The following STARD13 variants were observed in gnomAD, a reference collection of about 807,000 sequenced individuals.
STARD13 encodes StAR related lipid transfer domain containing 13, also known as stAR-related lipid transfer protein 13.
A neutral mutation model predicts 106.4 loss-of-function variants in STARD13; 62 were observed. That is an observed-to-expected ratio of 0.58 (90% CI 0.48 to 0.72). The LOEUF (loss-of-function observed/expected upper bound fraction) is 0.72. Among genes scored for constraint, STARD13 ranks in the 30% least tolerant of loss-of-function variants. The pLI is 0.00. For synonymous variants in STARD13, 565 were observed against 553.0 expected, an observed-to-expected ratio of 1.02 and a Z score of -0.31; for missense variants, 1,387 against 1,424.0, an observed-to-expected ratio of 0.97 and a Z score of 0.42.
At chr13:33,286,685 A>C (rs1892074306), upstream of STARD13, among the ~76,000 whole-genome samples, 1 of 152,108 alleles carries the variant, frequency 6.6e-6, no homozygotes, top group Non-Finnish European at 1.5e-5. Flanking sequence ...CCAGATAGAG[A>C]AAGAGACATT....
chr13:33,345,394 T>A (rs2078006957), downstream of STARD13, among the ~76,000 whole-genome samples: 1 of 152,176 alleles, frequency 6.6e-6, no homozygotes, highest in Admixed American at 6.5e-5. Context: ...TAGAAAGGAT[T>A]TGGTGGTCCA....
upstream of STARD13, among the ~76,000 whole-genome samples, chr13:33,352,472 G>A (rs558000867): frequency 3.3e-5 from 5 of 152,322 alleles, no homozygotes; most frequent in East Asian, 1.9e-4. Flanking sequence ...TCTCAAGAGC[G>A]TGGGCCCCTA....
intron 1 of STARD13, among the ~76,000 whole-genome samples, chr13:33,283,012 A>G (rs1241903949): frequency 6.6e-6 from 1 of 152,206 alleles, no homozygotes; most frequent in Non-Finnish European, 1.5e-5. Context: ...CCTCGGCGAC[A>G]GAGTAAGACT....
Position 33,145,649 on chromosome 13 carries a change from A to C in STARD13, c.324-3276T>G, listed in dbSNP as rs114602862. Reference sequence around the variant, plus strand: ...CCATCAGCTGGTAAATGGATATAAAAATTGTGGTATATCCATACAATGGAA... The same window carrying C: ...CCATCAGCTGGTAAATGGATATAAACATTGTGGTATATCCATACAATGGAA... On this transcript the variant is annotated intron_variant, in intron 3 of 13. Coordinates refer to ENST00000336934, the MANE Select transcript of STARD13 (RefSeq NM_178006.4). Among the ~76,000 whole-genome samples the C allele has an allele frequency of 3.7e-3, 569 of 152,334 alleles. 3 individuals carry two copies. Among genetic ancestry groups the C allele is most frequent in the African/African-American group, 0.013 (538 of 41,572 alleles).
the STARD13 span, among the ~76,000 whole-genome samples, chr13:33,467,405 C>G: frequency 6.6e-6 from 1 of 152,124 alleles, no homozygotes; most frequent in African/African-American, 2.4e-5. Context: ...GGTAGTAATA[C>G]AAGAGATGGG....
At chr13:33,576,924 G>T in the STARD13 span, among the ~76,000 whole-genome samples, 1 of 152,006 alleles carries the variant, frequency 6.6e-6, no homozygotes, top group Non-Finnish European at 1.5e-5. Context: ...TTTAGTTTCC[G>T]GTTTAAAGCC....
chr13:33,646,332 G>A, the STARD13 span, among the ~76,000 whole-genome samples: 146 of 152,246 alleles, frequency 9.6e-4, no homozygotes, highest in African/African-American at 3.4e-3. Context: ...CTTTTTGTTT[G>A]TTTGAATCTT....
chr13:33,582,100 T>C, the STARD13 span, among the ~76,000 whole-genome samples: 1 of 151,954 alleles, frequency 6.6e-6, no homozygotes, highest in East Asian at 1.9e-4. Flanking sequence ...TGGGTGCCTG[T>C]AGTCCCAGCT....
At chr13:33,278,001 C>T (rs1273471543) in intron 1 of STARD13, among the ~76,000 whole-genome samples, 1 of 152,152 alleles carries the variant, frequency 6.6e-6, no homozygotes, top group Admixed American at 6.5e-5. Flanking sequence ...AAAGTATCTA[C>T]TGCCAAATCT....
the STARD13 span, among the ~76,000 whole-genome samples, chr13:33,400,763 C>T: frequency 9.9e-5 from 15 of 152,200 alleles, no homozygotes; most frequent in South Asian, 6.2e-4. Context: ...GCACCCAGCC[C>T]GTCTTCAATG....
chr13:33,316,634 A>C (rs1269657451), intron 1 of STARD13, among the ~76,000 whole-genome samples: 1 of 152,190 alleles, frequency 6.6e-6, no homozygotes, highest in African/African-American at 2.4e-5. Flanking sequence ...TAGGAGCTGA[A>C]CTCAAAGCTT....
chr13:33,164,165 C>T (rs983406763), intron 3 of STARD13: 3 of 152,080 alleles, frequency 2.0e-5, no homozygotes, highest in African/African-American at 7.2e-5. Flanking sequence ...TAAGCAAGCC[C>T]ATAGTATTAT....
chr13:33,415,745 T>C, the STARD13 span, among the ~76,000 whole-genome samples: 1 of 152,106 alleles, frequency 6.6e-6, no homozygotes, highest in African/African-American at 2.4e-5. Flanking sequence ...ACATTCAAAG[T>C]GCCTCTGGAT....
At chr13:33,331,218 G>C (rs950694982) in intron 1 of STARD13, among the ~76,000 whole-genome samples, 12 of 152,240 alleles carry the variant, frequency 7.9e-5, no homozygotes, top group East Asian at 3.9e-4. Context: ...CCGTGCATCT[G>C]TTTCTTTGCC....
chr13:33,438,983 A>T, the STARD13 span, among the ~76,000 whole-genome samples: 11 of 152,248 alleles, frequency 7.2e-5, no homozygotes, highest in Non-Finnish European at 1.6e-4. Flanking sequence ...GCAATACGCT[A>T]TCTACAAGAT....
chr13:33,484,464 C>T, the STARD13 span, among the ~76,000 whole-genome samples: 1 of 152,142 alleles, frequency 6.6e-6, no homozygotes, highest in Non-Finnish European at 1.5e-5. Flanking sequence ...TATGAATACA[C>T]CTGGACATGT....
chr13:33,369,582 TGAG>T, the STARD13 span, among the ~76,000 whole-genome samples: 10 of 152,214 alleles, frequency 6.6e-5, no homozygotes, highest in African/African-American at 2.4e-5. Context: ...GAAATCAACT[TGAG>T]AACATATTTT....
chr13:33,492,830 C>T, the STARD13 span, among the ~76,000 whole-genome samples: 1 of 152,144 alleles, frequency 6.6e-6, no homozygotes, highest in Non-Finnish European at 1.5e-5. Context: ...CTGGACTCAC[C>T]CTGAATTCTT....
At chr13:33,362,377 C>T in the STARD13 span, among the ~76,000 whole-genome samples, 1 of 152,190 alleles carries the variant, frequency 6.6e-6, no homozygotes, top group East Asian at 1.9e-4. Flanking sequence ...ATTCACCTCC[C>T]ACCAGGCTCC....
Sources: gnomAD v4.1 joint callset for allele counts (sites outside exome capture counted in the v4.1 genomes callset) on GRCh38, gnomAD v4.1.1 for gene constraint, MANE v1.5 for transcripts, NCBI Gene and HGNC (gene_info 2026-07-23, HGNC 2026-07-21) for gene names.